The following PRR11 variants were observed in gnomAD, a reference collection of about 807,000 sequenced individuals.
PRR11 encodes proline rich 11, also known as proline-rich protein 11.
In PRR11, 30 loss-of-function variants were observed where a neutral mutation model predicts 45.6. The observed-to-expected ratio is 0.66, with a 90% confidence interval of 0.49 to 0.89. The LOEUF (loss-of-function observed/expected upper bound fraction) is 0.89, where lower values mean the gene tolerates loss of function less well. Among genes scored for constraint, PRR11 ranks in the 40% least tolerant of loss-of-function variants. The pLI is 0.00. For synonymous variants in PRR11, 128 were observed against 153.5 expected (o/e 0.83, Z 1.23); for missense variants, 373 against 424.8 (o/e 0.88, Z 1.07).
chr17:59,199,174 C>G (rs1304863937), intron 9 of PRR11, among the ~76,000 whole-genome samples: 2 of 151,966 alleles, frequency 1.3e-5, no homozygotes, highest in African/African-American at 2.4e-5. Flanking sequence ...GGAGGGACTC[C>G]CTTAGGAAGT....
intron 2 of PRR11, among the ~76,000 whole-genome samples, chr17:59,170,770 T>C (rs1417507022): frequency 6.6e-6 from 1 of 152,114 alleles, no homozygotes; most frequent in Non-Finnish European, 1.5e-5. Flanking sequence ...TAGAGCTAAT[T>C]AGTATGATCA....
At position 59,184,854 on chromosome 17, in the gene PRR11, T is replaced by G. The variant is rs995315342; in HGVS notation, c.129-200T>G. ...CACACCACCATGCCTGATTAAGTTT[T>G]TTTTTTTTTTTTTTTTTTTTTTGGC... is the stretch of plus-strand genomic sequence containing the variant. On this transcript the variant is annotated intron_variant, in intron 2 of 9. Transcript: ENST00000262293. 1.3e-4 allele frequency among the ~76,000 whole-genome samples: 18 copies of G among 137,814 alleles called. No individual in the cohort carries two copies. The South Asian group carries it at 3.7e-3, about 28-fold the overall frequency. The allele number at this position is 137,814 out of a possible 152,430, so 90.4% of individuals were successfully genotyped here.
chr17:59,181,419 A>G (rs2046785932), intron 2 of PRR11: 2 of 903,474 alleles, frequency 2.2e-6, no homozygotes, highest in Non-Finnish European at 3.3e-6. Context: ...CACTGGGGGC[A>G]TATTTTTCCC....
At chr17:59,158,944 C>A (rs1337321073) in intron 1 of PRR11, among the ~76,000 whole-genome samples, 1 of 152,198 alleles carries the variant, frequency 6.6e-6, no homozygotes, top group African/African-American at 2.4e-5. Context: ...CCTCAGCCTC[C>A]CGCGTAGCTG....
At chr17:59,198,507 C>A (rs1011222489) in intron 9 of PRR11, among the ~76,000 whole-genome samples, 1 of 152,172 alleles carries the variant, frequency 6.6e-6, no homozygotes, top group South Asian at 2.1e-4. Context: ...AACCCCGTCT[C>A]TACCCCAAAT....
intron 2 of PRR11, chr17:59,181,470 A>G: frequency 9.2e-7 from 1 of 1,086,498 alleles, no homozygotes; most frequent in South Asian, 1.2e-5. Flanking sequence ...CTCGTTTTTA[A>G]AAGAACAGGA....
intron 2 of PRR11, chr17:59,178,350 T>A (rs2046760681): frequency 4.8e-6 from 2 of 419,266 alleles, no homozygotes; most frequent in South Asian, 3.7e-5. Context: ...AAAAGAAGAC[T>A]GTGGGAGCAT....
intron 5 of PRR11, among the ~76,000 whole-genome samples, chr17:59,194,267 T>TCTCACACACACACACA (rs2046854091): frequency 7.1e-6 from 1 of 141,066 alleles, no homozygotes; most frequent in African/African-American, 2.6e-5. Context: ...TTCCCAATCC[T>TCTCACACACACACACA]CACACACACA....
In PRR11 at chr17:59,203,203, G is replaced by C. The variant is rs543894782; in HGVS notation, c.*1572G>C. 6.6e-6 allele frequency among the ~76,000 whole-genome samples: 1 copy of C among 152,066 alleles called. No individual in the cohort carries two copies. Among genetic ancestry groups the C allele is most frequent in the Non-Finnish European group, 1.5e-5 (1 of 67,960 alleles). ...TTTTTGAGACCCACATCTATATATA[G>C]AGATTTTTGTTTGTTTGTTTGTTTG... On this transcript the variant is annotated 3_prime_UTR_variant, in exon 10 of 10. Transcript: ENST00000262293.
At chr17:59,174,752 C>T (rs1599696092) in intron 2 of PRR11, among the ~76,000 whole-genome samples, 3 of 152,294 alleles carry the variant, frequency 2.0e-5, no homozygotes, top group South Asian at 4.1e-4. Context: ...AGGCTGATGA[C>T]CTCAGGCCTC....
At chr17:59,158,763 A>G (rs1205833822) in intron 1 of PRR11, among the ~76,000 whole-genome samples, 1 of 152,216 alleles carries the variant, frequency 6.6e-6, no homozygotes, top group Non-Finnish European at 1.5e-5. Flanking sequence ...CTGAAGTTAG[A>G]GGACAGAACG....
intron 2 of PRR11, among the ~76,000 whole-genome samples, chr17:59,179,317 G>A (rs1182545028): frequency 1.3e-5 from 2 of 152,074 alleles, no homozygotes; most frequent in African/African-American, 4.8e-5. Flanking sequence ...TGTCACCCCG[G>A]CTGGAGTGCA....
Position 59,205,133 on chromosome 17 carries a change from A to T in PRR11, c.*3502A>T, listed in dbSNP as rs1307179356. Among the ~76,000 whole-genome samples, 2 of 151,916 alleles carry T rather than the reference A, an allele frequency of 1.3e-5. No homozygotes were observed. The highest frequency in any genetic ancestry group is 2.9e-5 in the Non-Finnish European group (2 of 68,016). On this transcript the variant is annotated 3_prime_UTR_variant, in exon 10 of 10. Transcript: ENST00000262293. ...AAACATTTGCAAAGCTGCTACTGCC[A>T]TTGTACCAGTGTTAAACTGTGTTCT...
intron 2 of PRR11, among the ~76,000 whole-genome samples, chr17:59,176,619 G>A (rs771638011): frequency 2.0e-5 from 3 of 151,172 alleles, no homozygotes; most frequent in Non-Finnish European, 4.4e-5. Context: ...CCTTAGGAGC[G>A]GTTTATGGTT....
chr17:59,186,385 T>A (rs976388983), intron 4 of PRR11, among the ~76,000 whole-genome samples: 1 of 44,000 alleles, frequency 2.3e-5, no homozygotes, highest in East Asian at 7.1e-4. Flanking sequence ...TTTGTAATTT[T>A]TTTTTTTTTT....
At chr17:59,169,186 C>T (rs922705332) in intron 1 of PRR11, among the ~76,000 whole-genome samples, 8 of 150,584 alleles carry the variant, frequency 5.3e-5, no homozygotes, top group African/African-American at 7.4e-5. Context: ...ACAACCTCCG[C>T]CTCCCGAGTT....
intron 7 of PRR11, among the ~76,000 whole-genome samples, chr17:59,197,174 T>C (rs1363821569): frequency 6.6e-6 from 1 of 152,052 alleles, no homozygotes; most frequent in East Asian, 1.9e-4. Context: ...ATGTAACACA[T>C]AGAACTACTT....
chr17:59,175,782 C>T (rs1420439162), intron 2 of PRR11, among the ~76,000 whole-genome samples: 1 of 152,110 alleles, frequency 6.6e-6, no homozygotes, highest in East Asian at 1.9e-4. Context: ...GTGTCACAGC[C>T]CTGTAGTCAA....
At chr17:59,193,403 A>C (rs2046848678) in intron 4 of PRR11, 89 bp from the exon 5 acceptor site, 2 of 1,495,472 alleles carry the variant, frequency 1.3e-6, no homozygotes, top group South Asian at 2.4e-5. Context: ...AAAGCATTCA[A>C]TACATGGTAG....
Sources: allele counts gnomAD v4.1 joint callset (sites outside exome capture counted in the v4.1 genomes callset), GRCh38; gene constraint gnomAD v4.1.1; transcripts MANE v1.5; gene names NCBI Gene and HGNC (gene_info 2026-07-23, HGNC 2026-07-21).